Variants in CDKL3 observed in about 807,000 individuals in gnomAD.
The protein encoded by CDKL3 is cyclin dependent kinase like 3, also known as cyclin-dependent kinase-like 3.
In CDKL3, 65 loss-of-function variants were observed where a neutral mutation model predicts 69.3. The ratio of observed to expected loss-of-function variants is 0.94; its 90% CI spans 0.77 to 1.15. The LOEUF is 1.15. Among genes scored for constraint, CDKL3 ranks in the 50% most tolerant of loss-of-function variants. The pLI is 0.00. For missense variants in CDKL3, 652 were observed against 689.2 expected (o/e 0.95, Z 0.61); for synonymous variants, 202 against 221.6 (o/e 0.91, Z 0.79).
chr5:134,341,198 C>G (rs1402330690), intron 4 of CDKL3, among the ~76,000 whole-genome samples: 2 of 152,162 alleles, frequency 1.3e-5, no homozygotes, highest in Non-Finnish European at 2.9e-5. Context: ...ACTTCCCCAA[C>G]CTGATAAAAG....
intron 6 of CDKL3, among the ~76,000 whole-genome samples, chr5:134,317,310 A>G (rs995024081): frequency 2.0e-5 from 3 of 151,884 alleles, no homozygotes; most frequent in Non-Finnish European, 4.4e-5. Context: ...TAATTTTTGT[A>G]TTTTTAGTAG....
chr5:134,305,391 G>C (rs984244850), intron 10 of CDKL3, among the ~76,000 whole-genome samples: 1 of 152,160 alleles, frequency 6.6e-6, no homozygotes, highest in Non-Finnish European at 1.5e-5. Flanking sequence ...TAGGATTACA[G>C]GTGAGAGCCA....
intron 7 of CDKL3, 21 bp downstream of exon 7, chr5:134,312,271 A>C: frequency 7.0e-7 from 1 of 1,425,210 alleles, no homozygotes; most frequent in Non-Finnish European, 9.7e-7. Context: ...TAAAAAACCC[A>C]CATTCACTCA....
chr5:134,291,066 A>G (rs1340254374), intron 8 of CDKL3, among the ~76,000 whole-genome samples: 1 of 152,192 alleles, frequency 6.6e-6, no homozygotes, highest in South Asian at 2.1e-4. Flanking sequence ...AGAAAAAGAG[A>G]GGAGTTGAGG....
chr5:134,367,708 A>G (rs1215768312), upstream of CDKL3, among the ~76,000 whole-genome samples: 4 of 152,360 alleles, frequency 2.6e-5, no homozygotes, highest in Middle Eastern at 3.4e-3. Context: ...TTTCTTGAAC[A>G]CTTGCCATAT....
chr5:134,311,407 A>T (rs1282906307), intron 7 of CDKL3, among the ~76,000 whole-genome samples: 1 of 152,142 alleles, frequency 6.6e-6, no homozygotes, highest in East Asian at 1.9e-4. Flanking sequence ...CTGGAGCCTG[A>T]GGCAGGAGAA....
chr5:134,307,158 T>C (rs1341424123), intron 9 of CDKL3, among the ~76,000 whole-genome samples: 1 of 152,154 alleles, frequency 6.6e-6, no homozygotes, highest in East Asian at 1.9e-4. Context: ...TACCTACCAA[T>C]TGCCCTTAGG....
At chr5:134,327,586 T>C (rs529728208) in intron 4 of CDKL3, among the ~76,000 whole-genome samples, 1 of 152,316 alleles carries the variant, frequency 6.6e-6, no homozygotes, top group Non-Finnish European at 1.5e-5. Context: ...TTTATCAATT[T>C]AATGAACCTG....
At chr5:134,325,754 A>G (rs1773987250) in intron 4 of CDKL3, among the ~76,000 whole-genome samples, 1 of 151,404 alleles carries the variant, frequency 6.6e-6, no homozygotes, top group Admixed American at 6.6e-5. Context: ...GTTAATTGTT[A>G]TTATTATTAT....
chr5:134,371,028 T>C (rs977608266), upstream of CDKL3: 8 of 167,822 alleles, frequency 4.8e-5, no homozygotes, highest in Non-Finnish European at 1.0e-4. Context: ...GGCGAGGCGC[T>C]CACGTGACCC....
Position 134,308,311 on chromosome 5 carries a change from A to G in CDKL3, c.1191T>C (p.Asp397=), listed in dbSNP as rs1375829985. ...GTGGTTCAATGGTTACAAGTTTTGTATCTGGAGACATAGGATGAACATTTT... is the reference window on the plus strand; with the variant it reads ...GTGGTTCAATGGTTACAAGTTTTGTGTCTGGAGACATAGGATGAACATTTT... ...ANENVHPMSP[D]TKLVTIEPPN... The change falls in exon 9 of 13, where the codon GAT becomes GAC. Residue 397 remains aspartate (D), a synonymous_variant. Transcript: ENST00000265334. 3.1e-6 allele frequency: 5 copies of G among 1,613,844 alleles called. No individual in the cohort carries two copies. Among genetic ancestry groups the G allele is most frequent in the South Asian group, 1.1e-5 (1 of 91,090 alleles).
Position 134,367,134 on chromosome 5 carries a change from T to C in CDKL3, c.-179A>G, listed in dbSNP as rs1581285998. 2.0e-6 allele frequency: 2 copies of C among 985,696 alleles called. No individual in the cohort carries two copies. The highest frequency in any genetic ancestry group is 2.4e-6 in the Non-Finnish European group (2 of 830,172). The allele number at this position is 985,696 out of a possible 1,614,324, so 61.1% of individuals were successfully genotyped here. ...CTCAGCCCCGCAAGGAACCGGCCAC[T>C]TGCCACCATGGAAACGCCGGCGGAG... On this transcript the variant is annotated 5_prime_UTR_variant, in exon 1 of 13. Coordinates refer to ENST00000265334, the MANE Select transcript of CDKL3 (RefSeq NM_001113575.2).
intron 2 of CDKL3, among the ~76,000 whole-genome samples, chr5:134,362,799 C>T (rs866720800): frequency 2.6e-5 from 4 of 151,798 alleles, no homozygotes; most frequent in African/African-American, 9.7e-5. Context: ...CGTGGTCGTA[C>T]GTGCCTGTAA....
chr5:134,364,326 T>TA (rs1756837604), intron 2 of CDKL3, among the ~76,000 whole-genome samples: 1 of 152,212 alleles, frequency 6.6e-6, no homozygotes, highest in South Asian at 2.1e-4. Context: ...TCCTCATTTC[T>TA]AAAAGCCTAC....
chr5:134,298,586 T>C lies in CDKL3; in HGVS notation c.*65A>G. ...ACAACAACTCACATCACACTTCTAT[T>C]GTAGATAAATAAAACGGGAAGAGTT... On this transcript the variant is annotated 3_prime_UTR_variant, in exon 13 of 13. Coordinates refer to ENST00000265334, the MANE Select transcript of CDKL3 (RefSeq NM_001113575.2). The C allele has an allele frequency of 6.3e-7, 1 of 1,588,444 alleles. No homozygotes were observed. The highest frequency in any genetic ancestry group is 8.5e-7 in the Non-Finnish European group (1 of 1,169,938).
intron 9 of CDKL3, among the ~76,000 whole-genome samples, chr5:134,307,086 T>C (rs1386679579): frequency 1.3e-5 from 2 of 152,100 alleles, no homozygotes; most frequent in Admixed American, 6.6e-5. Flanking sequence ...CAAGAATGAA[T>C]AAATTATGGC....
chr5:134,354,654 A>G (rs533542003), intron 3 of CDKL3, among the ~76,000 whole-genome samples: 2 of 152,206 alleles, frequency 1.3e-5, no homozygotes, highest in Non-Finnish European at 2.9e-5. Flanking sequence ...GCACATTAAG[A>G]TACCGCTTCA....
intron 4 of CDKL3, among the ~76,000 whole-genome samples, chr5:134,341,152 T>C (rs531189711): frequency 7.2e-5 from 11 of 152,174 alleles, no homozygotes; most frequent in Admixed American, 2.0e-4. Flanking sequence ...CACCCCTTCA[T>C]GATAAAAGCA....
chr5:134,309,622 T>C (rs992501088), intron 7 of CDKL3, among the ~76,000 whole-genome samples: 1 of 152,162 alleles, frequency 6.6e-6, no homozygotes. Context: ...GTCCCCTCCT[T>C]GAAGCAGCTA....
Sources: gnomAD v4.1 joint callset for allele counts (sites outside exome capture counted in the v4.1 genomes callset) on GRCh38, gnomAD v4.1.1 for gene constraint, MANE v1.5 for transcripts, NCBI Gene and HGNC (gene_info 2026-07-23, HGNC 2026-07-21) for gene names.